SLC36A1: variants seen among roughly 807,000 people sequenced by gnomAD.
The protein encoded by SLC36A1 is solute carrier family 36 member 1, also known as proton-coupled amino acid transporter 1.
A neutral mutation model predicts 47.5 loss-of-function variants in SLC36A1; 30 were observed. The observed-to-expected ratio is 0.63, with a 90% CI of 0.47 to 0.86. The LOEUF is 0.86. SLC36A1 is among the 40% of genes least tolerant of loss of function. The pLI is 0.00. For synonymous variants in SLC36A1, 255 were observed against 249.7 expected (o/e 1.02, Z -0.20); for missense variants, 517 against 606.0 (o/e 0.85, Z 1.54).
chr5:151,531,999 C>T, the SLC36A1 span: 571 of 1,609,428 alleles, frequency 3.5e-4, 4 homozygotes, highest in African/African-American at 6.5e-3. This position sits in a 1 kb window ranked among gnomAD's most constrained non-coding sequence, Gnocchi z 5.7. Context: ...GTGTGATCCA[C>T]ACTGAGGGCG....
the SLC36A1 span, chr5:151,378,144 A>G: frequency 3.1e-6 from 1 of 318,946 alleles, no homozygotes; most frequent in Non-Finnish European, 6.2e-6. Context: ...ATGCAAGAAA[A>G]AGGTGAAAGA....
At chr5:151,355,971 G>A in the SLC36A1 span, among the ~76,000 whole-genome samples, 2 of 152,058 alleles carry the variant, frequency 1.3e-5, no homozygotes, top group African/African-American at 4.8e-5. Flanking sequence ...TGGGAATTTT[G>A]TATTTTAATT....
At chr5:151,504,959 C>G in the SLC36A1 span, 1 of 152,730 alleles carries the variant, frequency 6.5e-6, no homozygotes, top group African/African-American at 2.4e-5. Context: ...CCATTTTCTC[C>G]CCGGTGCAAA....
chr5:151,506,024 T>A, the SLC36A1 span: 1 of 1,572,856 alleles, frequency 6.4e-7, no homozygotes, highest in South Asian at 1.2e-5. Flanking sequence ...CCTGAGTCAC[T>A]TCGGAGTGGG....
the SLC36A1 span, among the ~76,000 whole-genome samples, chr5:151,547,123 T>C: frequency 6.6e-6 from 1 of 152,218 alleles, no homozygotes. Flanking sequence ...ATTATGTTGC[T>C]TCTTTAAATA....
the SLC36A1 span, among the ~76,000 whole-genome samples, chr5:151,353,047 G>A: frequency 6.6e-6 from 1 of 152,220 alleles, no homozygotes; most frequent in Non-Finnish European, 1.5e-5. Flanking sequence ...GTGAAAGGAG[G>A]GGAGGAGAAA....
chr5:151,359,677 G>A, the SLC36A1 span, among the ~76,000 whole-genome samples: 4 of 152,212 alleles, frequency 2.6e-5, no homozygotes, highest in African/African-American at 7.2e-5. Context: ...GCCCTAGGGA[G>A]CAACTGATGT....
chr5:151,507,420 G>A, the SLC36A1 span: 1 of 1,614,178 alleles, frequency 6.2e-7, no homozygotes, highest in South Asian at 1.1e-5. Context: ...CAGGAGGTCT[G>A]GGTCCTCCAT....
chr5:151,534,470 G>C, the SLC36A1 span: 1 of 1,613,962 alleles, frequency 6.2e-7, no homozygotes, highest in Non-Finnish European at 8.5e-7. Flanking sequence ...TGTTGTCGAA[G>C]ACAGCCACAG....
At chr5:151,365,988 G>A in the SLC36A1 span, among the ~76,000 whole-genome samples, 4 of 152,118 alleles carry the variant, frequency 2.6e-5, no homozygotes, top group Non-Finnish European at 4.4e-5. Flanking sequence ...GAGAAAAAGG[G>A]GTCCTGTTCA....
chr5:151,426,298 C>T, the SLC36A1 span, among the ~76,000 whole-genome samples: 43 of 151,610 alleles, frequency 2.8e-4, no homozygotes, highest in Admixed American at 1.4e-3. Context: ...GGAGGACCTG[C>T]GCCAGCACTG....
the SLC36A1 span, among the ~76,000 whole-genome samples, chr5:151,385,756 A>G: frequency 6.6e-6 from 1 of 152,158 alleles, no homozygotes; most frequent in Non-Finnish European, 1.5e-5. Flanking sequence ...ACCAAACCAA[A>G]CAAACAGCAA....
the SLC36A1 span, among the ~76,000 whole-genome samples, chr5:151,418,427 G>A: frequency 1.3e-5 from 2 of 152,244 alleles, no homozygotes; most frequent in African/African-American, 4.8e-5. Flanking sequence ...AGCCACAAGA[G>A]TGGAGCTGCC....
chr5:151,366,042 A>G, the SLC36A1 span, among the ~76,000 whole-genome samples: 4 of 152,172 alleles, frequency 2.6e-5, no homozygotes, highest in African/African-American at 9.7e-5. Context: ...AAATAATGAA[A>G]ATCACCAACA....
the SLC36A1 span, chr5:151,537,861 G>C: frequency 2.5e-6 from 4 of 1,614,064 alleles, no homozygotes; most frequent in African/African-American, 5.3e-5. Context: ...CTGAGCATTG[G>C]TATCAGTGTC....
chr5:151,408,837 C>G, the SLC36A1 span, among the ~76,000 whole-genome samples: 4 of 152,080 alleles, frequency 2.6e-5, no homozygotes, highest in Non-Finnish European at 4.4e-5. Flanking sequence ...AGGATGACCT[C>G]CAGGATATTT....
chr5:151,543,708 A>G, the SLC36A1 span: 1 of 1,614,164 alleles, frequency 6.2e-7, no homozygotes, highest in Admixed American at 1.7e-5. Context: ...ACTTGTTGGC[A>G]TTTGTAGTGT....
At chr5:151,535,459 C>T in the SLC36A1 span, among the ~76,000 whole-genome samples, 7 of 152,078 alleles carry the variant, frequency 4.6e-5, no homozygotes, top group African/African-American at 9.7e-5. Context: ...GACTGGGTTC[C>T]GAGAGCTTCC....
At chr5:151,351,075 G>A in the SLC36A1 span, among the ~76,000 whole-genome samples, 2 of 152,172 alleles carry the variant, frequency 1.3e-5, no homozygotes, top group Non-Finnish European at 2.9e-5. Flanking sequence ...CAGGCGTGAG[G>A]ATTACATGAG....
Sources: allele counts gnomAD v4.1 joint callset (sites outside exome capture counted in the v4.1 genomes callset), GRCh38; gene constraint gnomAD v4.1.1; non-coding constraint Gnocchi (gnomAD v3.1); transcripts MANE v1.5; gene names NCBI Gene and HGNC (gene_info 2026-07-23, HGNC 2026-07-21).